TERB1: variants seen among roughly 807,000 people sequenced by gnomAD.
TERB1 encodes the protein telomere repeats-binding bouquet formation protein 1.
A neutral mutation model predicts 92.3 loss-of-function variants in TERB1; 63 were observed. That is an observed-to-expected ratio of 0.68 (90% CI 0.56 to 0.84). TERB1 has a LOEUF of 0.84. Among genes scored for constraint, TERB1 ranks in the 40% least tolerant of loss-of-function variants. The probability of loss-of-function intolerance (pLI) is 0.00; values close to 1 mark genes in which losing one functional copy is unlikely to be tolerated. For synonymous variants in TERB1, 252 were observed against 283.9 expected, an observed-to-expected ratio of 0.89 and a Z score of 1.13; for missense variants, 709 against 843.7, an observed-to-expected ratio of 0.84 and a Z score of 1.98.
intron 12 of TERB1, among the ~76,000 whole-genome samples, chr16:66,774,484 C>T (rs2018511001): frequency 6.6e-6 from 1 of 151,982 alleles, no homozygotes; most frequent in African/African-American, 2.4e-5. Context: ...CGCGCCCGGC[C>T]CCAAACATTT....
At chr16:66,768,430 AGAAG>A (rs1427021368) in intron 14 of TERB1, among the ~76,000 whole-genome samples, 2 of 152,244 alleles carry the variant, frequency 1.3e-5, no homozygotes, top group African/African-American at 4.8e-5. Flanking sequence ...GATTATAAAA[AGAAG>A]GAAGTAGGAG....
At chr16:66,768,938 T>C (rs982817963) in intron 14 of TERB1, among the ~76,000 whole-genome samples, 3 of 151,914 alleles carry the variant, frequency 2.0e-5, no homozygotes, top group Non-Finnish European at 4.4e-5. Flanking sequence ...ACTCCATCTC[T>C]ACTAAAAATA....
intron 17 of TERB1, 131 bp downstream of exon 17, chr16:66,759,010 A>G: frequency 4.1e-6 from 4 of 981,604 alleles, no homozygotes; most frequent in Non-Finnish European, 5.9e-6. Context: ...ATCTTCAATT[A>G]CTTGTTGCTT....
At position 66,785,824 on chromosome 16, in the gene TERB1, G is replaced by C. The variant is rs1001123256; in HGVS notation, c.662C>G (p.Pro221Arg). ...AGTGAGTCCAATAAATGAGCAAATA[G>C]GGCGAATTATCTCAGGTGTCGTGCA... ...KNCTTPEIIR[P>R]ICSFIGLTLA... Residue 221 changes from proline to arginine, a missense_variant, in exon 9 of 19, where the codon CCT becomes CGT. Pro to Arg is a moderately radical substitution (Grantham distance 103, BLOSUM62 -2). Coordinates refer to ENST00000433154, the MANE Select transcript of TERB1 (RefSeq NM_001136505.2). The C allele has an allele frequency of 5.8e-6, 9 of 1,548,114 alleles. No homozygotes were observed. Among genetic ancestry groups the C allele is most frequent in the Non-Finnish European group, 7.9e-6 (9 of 1,145,468 alleles).
chr16:66,762,424 C>A (rs780023223), intron 16 of TERB1, among the ~76,000 whole-genome samples: 8 of 152,152 alleles, frequency 5.3e-5, no homozygotes, highest in Non-Finnish European at 1.2e-4. Context: ...CTCCCTGTCA[C>A]CCAGACTGGA....
intron 12 of TERB1, among the ~76,000 whole-genome samples, chr16:66,773,006 T>C (rs1247075697): frequency 6.6e-6 from 1 of 152,076 alleles, no homozygotes; most frequent in South Asian, 2.1e-4. Flanking sequence ...ATAAACACCC[T>C]CAGGTACATG....
rs559782804 is a variant in TERB1, at chr16:66,777,751, G to A, written c.854-417C>T. 7.9e-5 allele frequency among the ~76,000 whole-genome samples: 12 copies of A among 152,200 alleles called. No individual in the cohort carries two copies. In the East Asian group the frequency reaches 2.3e-3, roughly 29 times the overall value. On this transcript the variant is annotated intron_variant, in intron 10 of 18. Coordinates refer to ENST00000433154, the MANE Select transcript of TERB1 (RefSeq NM_001136505.2). ...CTTTCCTACATAATCAGTTCCTGCT[G>A]TCATTTAAAATACACTATTAACTGA...
chr16:66,771,303 T>G (rs1290199091), intron 13 of TERB1, among the ~76,000 whole-genome samples: 2 of 152,180 alleles, frequency 1.3e-5, no homozygotes, highest in Non-Finnish European at 1.5e-5. Flanking sequence ...CAAAACGCTG[T>G]GGGGAAACAT....
chr16:66,800,161 G>A (rs1487837740), intron 2 of TERB1: 1 of 151,942 alleles, frequency 6.6e-6, no homozygotes. Context: ...GCCAGGAGTT[G>A]GAGACCAGCC....
chr16:66,772,301 G>A (rs1033268032), intron 13 of TERB1, among the ~76,000 whole-genome samples: 2 of 152,118 alleles, frequency 1.3e-5, no homozygotes, highest in African/African-American at 2.4e-5. Context: ...CCAACATGAG[G>A]AAACCCTGTC....
At position 66,792,756 on chromosome 16, in the gene TERB1, AAACCTACAC is replaced by A. The variant is rs541796608; in HGVS notation, c.32-1746_32-1738del. Among the ~76,000 whole-genome samples, 18 of 152,338 alleles carry A rather than the reference AAACCTACAC, an allele frequency of 1.2e-4. No individual in the cohort carries two copies. The East Asian group carries it at 2.7e-3, about 23-fold the overall frequency. On this transcript the variant is annotated intron_variant, in intron 3 of 18. Coordinates refer to ENST00000433154, the MANE Select transcript of TERB1 (RefSeq NM_001136505.2). ...TGGACAGCTATTGCTCCTAGGCTATAAACCTACACAGCATGTTACTGTATTGAATAATAT... is the reference window on the plus strand; with the variant it reads ...TGGACAGCTATTGCTCCTAGGCTATAAGCATGTTACTGTATTGAATAATAT...
intron 18 of TERB1, among the ~76,000 whole-genome samples, chr16:66,757,570 T>C (rs1453310686): frequency 6.6e-6 from 1 of 152,230 alleles, no homozygotes; most frequent in Admixed American, 6.5e-5. Context: ...CTATACTTAA[T>C]TATAATTTGC....
At chr16:66,779,127 A>T (rs2145171486) in intron 9 of TERB1, 112 bp from the exon 10 acceptor site, 1 of 778,742 alleles carries the variant, frequency 1.3e-6, no homozygotes, top group East Asian at 3.1e-5. Context: ...ACTTTCTAAA[A>T]ATCCCAAAAT....
chr16:66,789,961 T>G (rs1242571736), intron 5 of TERB1, among the ~76,000 whole-genome samples: 1 of 152,122 alleles, frequency 6.6e-6, no homozygotes, highest in Non-Finnish European at 1.5e-5. Context: ...TCCACCTGCC[T>G]CAGCCTCCCA....
intron 14 of TERB1, 21 bp downstream of exon 14, chr16:66,769,942 C>T: frequency 6.8e-7 from 1 of 1,477,698 alleles, no homozygotes; most frequent in Non-Finnish European, 9.2e-7. Flanking sequence ...ATAAAAGTTA[C>T]ACACAATTAT....
intron 2 of TERB1, among the ~76,000 whole-genome samples, chr16:66,797,623 CCACACACACACACACACACACA>C (rs71145942): frequency 3.0e-4 from 42 of 140,952 alleles, no homozygotes; most frequent in African/African-American, 1.1e-3. Context: ...TAAAAACACA[CCACACACACACACACACACACA>C]CACACACACA....
intron 14 of TERB1, 113 bp downstream of exon 14, chr16:66,769,850 C>T: frequency 2.5e-6 from 2 of 786,476 alleles, no homozygotes; most frequent in South Asian, 3.7e-5. Flanking sequence ...TTCCCAAGAC[C>T]ATGTTTCATC....
chr16:66,790,070 T>C (rs2018803353), intron 5 of TERB1, among the ~76,000 whole-genome samples: 2 of 152,136 alleles, frequency 1.3e-5, no homozygotes, highest in African/African-American at 4.8e-5. Context: ...GACAAAACAA[T>C]GGTTTATATT....
chr16:66,800,645 AC>A (rs1457785661), intron 2 of TERB1, among the ~76,000 whole-genome samples: 1 of 152,092 alleles, frequency 6.6e-6, no homozygotes, highest in Non-Finnish European at 1.5e-5. Flanking sequence ...TGATAATCCC[AC>A]CACTAAATTG....
Sources: gnomAD v4.1 joint callset for allele counts (sites outside exome capture counted in the v4.1 genomes callset) on GRCh38, gnomAD v4.1.1 for gene constraint, MANE v1.5 for transcripts, NCBI Gene and HGNC (gene_info 2026-07-23, HGNC 2026-07-21) for gene names.